The following TFEC variants were observed in gnomAD, a reference collection of about 807,000 sequenced individuals.
TFEC encodes the protein class E basic helix-loop-helix protein 34.
In TFEC, 31 loss-of-function variants were observed where a neutral mutation model predicts 41.6. The ratio of observed to expected loss-of-function variants is 0.74; its 90% CI spans 0.56 to 1.01. The LOEUF (loss-of-function observed/expected upper bound fraction) is 1.01. Among genes scored for constraint, TFEC ranks in the 50% least tolerant of loss-of-function variants. TFEC has a pLI of 0.00. For missense variants in TFEC, 402 were observed against 404.1 expected (o/e 0.99, Z 0.04); for synonymous variants, 143 against 140.6 (o/e 1.02, Z -0.12).
intron 1 of TFEC, among the ~76,000 whole-genome samples, chr7:116,118,309 A>G (rs963962162): frequency 2.0e-5 from 3 of 151,918 alleles, no homozygotes; most frequent in African/African-American, 7.2e-5. Flanking sequence ...TATTCCCTCC[A>G]TTTCAAATAA....
At chr7:116,145,926 C>T (rs1337311931) in intron 1 of TFEC, among the ~76,000 whole-genome samples, 1 of 152,142 alleles carries the variant, frequency 6.6e-6, no homozygotes, top group Non-Finnish European at 1.5e-5. Context: ...TCACTATTTC[C>T]TTTATATTTT....
intron 3 of TFEC, among the ~76,000 whole-genome samples, chr7:116,104,819 G>A (rs1035543855): frequency 4.6e-5 from 7 of 151,254 alleles, no homozygotes; most frequent in South Asian, 2.1e-4. Flanking sequence ...GGTGTTCAGC[G>A]TAAATGTAAA....
intron 1 of TFEC, among the ~76,000 whole-genome samples, chr7:116,153,609 C>G (rs1357285805): frequency 6.6e-6 from 1 of 151,964 alleles, no homozygotes; most frequent in Non-Finnish European, 1.5e-5. Context: ...GTTTTGCATT[C>G]CTCCTCTGAT....
At chr7:116,139,457 T>C (rs906620280) in intron 1 of TFEC, among the ~76,000 whole-genome samples, 9 of 152,216 alleles carry the variant, frequency 5.9e-5, no homozygotes, top group Non-Finnish European at 1.0e-4. Context: ...CACTGCTTTA[T>C]CATGCTTTCT....
At chr7:115,956,631 A>C in intron 4 of TFEC, 48 bp downstream of exon 4, 5 of 1,371,440 alleles carry the variant, frequency 3.6e-6, no homozygotes, top group Non-Finnish European at 5.1e-6. Context: ...CTCATAACTT[A>C]TGTCATTAAT....
intron 1 of TFEC, among the ~76,000 whole-genome samples, chr7:116,132,614 T>C (rs563770703): frequency 2.0e-5 from 3 of 152,214 alleles, no homozygotes; most frequent in Non-Finnish European, 4.4e-5. Context: ...ACGGCCTTCA[T>C]TCATAAAAAG....
At chr7:115,948,232 G>C (rs1000960497) in intron 6 of TFEC, among the ~76,000 whole-genome samples, 8 of 151,642 alleles carry the variant, frequency 5.3e-5, no homozygotes, top group African/African-American at 1.9e-4. Context: ...AAAGAGTCCA[G>C]GACCAGATGG....
intron 1 of TFEC, among the ~76,000 whole-genome samples, chr7:116,028,933 AAGTTAGT>A (rs1322617671): frequency 9.7e-6 from 1 of 102,988 alleles, no homozygotes; most frequent in Non-Finnish European, 2.2e-5. Context: ...TCCACTATAT[AAGTTAGT>A]AGTATTTCTG....
At chr7:116,119,748 A>AT (rs918478995) in intron 1 of TFEC, among the ~76,000 whole-genome samples, 7 of 151,862 alleles carry the variant, frequency 4.6e-5, no homozygotes, top group African/African-American at 1.4e-4. Context: ...CAGTTATTAT[A>AT]TTTTTTAAAT....
At chr7:116,064,138 A>G (rs1295317775) in intron 3 of TFEC, among the ~76,000 whole-genome samples, 1 of 152,116 alleles carries the variant, frequency 6.6e-6, no homozygotes, top group Non-Finnish European at 1.5e-5. Flanking sequence ...AGATAGGAAA[A>G]ATAACTTAAA....
intron 3 of TFEC, among the ~76,000 whole-genome samples, chr7:116,041,399 G>T (rs1422610967): frequency 6.6e-6 from 1 of 151,890 alleles, no homozygotes; most frequent in Non-Finnish European, 1.5e-5. Flanking sequence ...AGTAATTTTG[G>T]GCATGTGTAT....
intron 3 of TFEC, among the ~76,000 whole-genome samples, chr7:116,045,570 A>G (rs1433637004): frequency 3.3e-5 from 5 of 152,166 alleles, no homozygotes; most frequent in African/African-American, 4.8e-5. Flanking sequence ...ATTTCAGAAG[A>G]TGTATGGAAT....
At chr7:116,133,054 A>G (rs1798363988) in intron 1 of TFEC, among the ~76,000 whole-genome samples, 1 of 152,238 alleles carries the variant, frequency 6.6e-6, no homozygotes, top group Non-Finnish European at 1.5e-5. Context: ...CAGTGCTTAA[A>G]AAGAAAATAA....
chr7:116,033,074 C>T (rs1198352738), upstream of TFEC, among the ~76,000 whole-genome samples: 4 of 151,532 alleles, frequency 2.6e-5, no homozygotes, highest in Non-Finnish European at 5.9e-5. Flanking sequence ...CTGCAAGATG[C>T]ATTTCAGTTA....
intron 3 of TFEC, among the ~76,000 whole-genome samples, chr7:116,069,853 T>G (rs1796783435): frequency 6.6e-6 from 1 of 151,622 alleles, no homozygotes; most frequent in Admixed American, 6.6e-5. Context: ...AGGTCTAATT[T>G]CTGGACTAGA....
intron 3 of TFEC, among the ~76,000 whole-genome samples, chr7:115,968,847 G>C (rs1195739855): frequency 6.6e-6 from 1 of 151,888 alleles, no homozygotes; most frequent in Non-Finnish European, 1.5e-5. Flanking sequence ...ACTTGGGCAA[G>C]TTACTGAACT....
chr7:116,000,245 A>T (rs1214863895), intron 1 of TFEC, among the ~76,000 whole-genome samples: 1 of 152,114 alleles, frequency 6.6e-6, no homozygotes, highest in Non-Finnish European at 1.5e-5. Flanking sequence ...GGAAAAAAGC[A>T]TTTGATAATA....
chr7:116,040,485 T>C (rs1178378194), intron 3 of TFEC, among the ~76,000 whole-genome samples: 1 of 152,224 alleles, frequency 6.6e-6, no homozygotes, highest in Non-Finnish European at 1.5e-5. Context: ...TAAATGTTTA[T>C]AGTGATACAT....
At chr7:116,059,594 A>C (rs1796506558) in intron 3 of TFEC, among the ~76,000 whole-genome samples, 1 of 152,038 alleles carries the variant, frequency 6.6e-6, no homozygotes, top group Non-Finnish European at 1.5e-5. Flanking sequence ...TTAAACAAAT[A>C]TCTTGCAAAA....
Sources: allele counts gnomAD v4.1 joint callset (sites outside exome capture counted in the v4.1 genomes callset), GRCh38; gene constraint gnomAD v4.1.1; transcripts MANE v1.5; gene names NCBI Gene and HGNC (gene_info 2026-07-23, HGNC 2026-07-21).